SP100: variants seen among roughly 807,000 people sequenced by gnomAD.
SP100 encodes the protein SP100 nuclear body protein, also known as nuclear autoantigen Sp-100.
SP100 carries 84 observed loss-of-function variants against 130.0 expected under a neutral mutation model. That is an observed-to-expected ratio of 0.65 (90% confidence interval 0.54 to 0.77). SP100 has a LOEUF of 0.77. Ranked by LOEUF, SP100 falls within the 30% of genes least tolerant of loss-of-function variation. SP100 has a pLI of 0.00. For synonymous variants in SP100, 331 were observed against 351.7 expected (o/e 0.94, Z 0.66); for missense variants, 978 against 1,052.2 (o/e 0.93, Z 0.97).
intron 10 of SP100, 22 bp from the exon 11 acceptor site, chr2:230,464,045 A>G: frequency 6.5e-7 from 1 of 1,542,104 alleles, no homozygotes; most frequent in Non-Finnish European, 9.0e-7. Context: ...AGACCTCTAA[A>G]GAATCCCATT....
intron 17 of SP100, among the ~76,000 whole-genome samples, chr2:230,485,235 G>C (rs932612838): frequency 6.6e-6 from 1 of 152,066 alleles, no homozygotes; most frequent in Non-Finnish European, 1.5e-5. Context: ...TGACAGGCAT[G>C]AGCTACCACA....
intron 11 of SP100, among the ~76,000 whole-genome samples, chr2:230,465,309 G>T (rs999160384): frequency 3.3e-5 from 5 of 152,118 alleles, no homozygotes; most frequent in Admixed American, 3.3e-4. Flanking sequence ...TGAGGTGAGA[G>T]AGTCACTGGA....
At chr2:230,464,907 C>T (rs1466347274) in intron 11 of SP100, among the ~76,000 whole-genome samples, 2 of 151,970 alleles carry the variant, frequency 1.3e-5, no homozygotes, top group Non-Finnish European at 2.9e-5. Flanking sequence ...GCCTGGACAA[C>T]ATGGAGAAAC....
At chr2:230,506,782 TACACACACAC>T (rs57619257) in intron 22 of SP100, 3,656 of 181,484 alleles carry the variant, frequency 0.02, 132 homozygotes, top group African/African-American at 0.085. Flanking sequence ...AAATGTTAAA[TACACACACAC>T]ACACACACAC....
chr2:230,487,286 G>A (rs1381235476), intron 17 of SP100, among the ~76,000 whole-genome samples: 1 of 152,126 alleles, frequency 6.6e-6, no homozygotes, highest in Non-Finnish European at 1.5e-5. Context: ...TTTTCTTCCA[G>A]GGATTTTATG....
At chr2:230,500,396 G>T (rs888145084) in intron 19 of SP100, among the ~76,000 whole-genome samples, 2 of 152,150 alleles carry the variant, frequency 1.3e-5, no homozygotes, top group African/African-American at 4.8e-5. Flanking sequence ...CCAAGAGCTG[G>T]GAAGCAGCGC....
At position 230,436,927 on chromosome 2, in the gene SP100, A is replaced by ACATATAT. The variant is rs879558808; in HGVS notation, c.108-6010_108-6009insCATATAT. 5.0e-5 allele frequency among the ~76,000 whole-genome samples: 4 copies of ACATATAT among 79,958 alleles called. 1 individual carries two copies. 52.5% of individuals were successfully genotyped at this position (79,958 alleles called of 152,430 possible). A position where few individuals can be genotyped will look rare whatever the true frequency, so the allele number is the denominator to read the frequency against. ...ACACGCATATATGTGTATACACACA[A>ACATATAT]GTGTATACACACACGCATATATGTG... On this transcript the variant is annotated intron_variant, in intron 2 of 28. Transcript: ENST00000340126.
rs181906900 is a variant in SP100, at chr2:230,496,518, A to T, written c.1646-1943A>T. 7.9e-5 allele frequency among the ~76,000 whole-genome samples: 12 copies of T among 152,258 alleles called. No homozygotes were observed. The East Asian group carries it at 2.3e-3, about 29-fold the overall frequency. On this transcript the variant is annotated intron_variant, in intron 18 of 28. Coordinates refer to ENST00000340126, the MANE Select transcript of SP100 (RefSeq NM_001080391.2). ...CAGGAGCAGGAATGGTCCTCATACT[A>T]TATAGGTTGGTGCAAAAGTAATTGT... is the stretch of plus-strand genomic sequence containing the variant.
intron 18 of SP100, among the ~76,000 whole-genome samples, chr2:230,496,410 A>G (rs1357816932): frequency 6.6e-6 from 1 of 152,114 alleles, no homozygotes; most frequent in Non-Finnish European, 1.5e-5. Flanking sequence ...ATTTACTTTC[A>G]TCCACACTTC....
intron 12 of SP100, 110 bp downstream of exon 12, chr2:230,466,464 C>T: frequency 1.5e-6 from 1 of 657,852 alleles, no homozygotes. Context: ...CTATATCCTT[C>T]AAAGTAAAAT....
intron 9 of SP100, 65 bp downstream of exon 9, chr2:230,461,479 T>G: frequency 1.9e-6 from 3 of 1,542,398 alleles, no homozygotes; most frequent in Non-Finnish European, 2.7e-6. Context: ...GCTCAGGGAC[T>G]TCATCACGGA....
intron 13 of SP100, among the ~76,000 whole-genome samples, 183 bp downstream of exon 13, chr2:230,467,398 G>T (rs1352254022): frequency 1.3e-5 from 2 of 152,232 alleles, no homozygotes; most frequent in Non-Finnish European, 2.9e-5. Flanking sequence ...GATGGTTGTG[G>T]TTGAGTGGCA....
At chr2:230,525,789 C>T (rs545507278) in intron 24 of SP100, among the ~76,000 whole-genome samples, 23 of 152,368 alleles carry the variant, frequency 1.5e-4, no homozygotes, top group Admixed American at 1.4e-3. Context: ...GAGCCTTGCT[C>T]ACTGCTAGCA....
At chr2:230,470,227 CT>C in intron 15 of SP100, 129 bp downstream of exon 15, 1 of 1,340,316 alleles carries the variant, frequency 7.5e-7, no homozygotes, top group East Asian at 2.9e-5. Context: ...CTGGGAACTC[CT>C]TTTTGCATTT....
intron 20 of SP100, 116 bp from the exon 21 acceptor site, chr2:230,504,070 G>T: frequency 1.7e-6 from 1 of 594,048 alleles, no homozygotes. Flanking sequence ...CTGATTCATG[G>T]GGGAAATACC....
intron 19 of SP100, among the ~76,000 whole-genome samples, chr2:230,500,408 A>G (rs1196696897): frequency 6.6e-6 from 1 of 152,216 alleles, no homozygotes; most frequent in African/African-American, 2.4e-5. Flanking sequence ...AAGCAGCGCA[A>G]TGAGCTTCTG....
rs1373751456 is a variant in SP100 at position 230,506,298 on chromosome 2, T to TA, written c.1871-4dup. The TA allele has an allele frequency of 6.2e-7, 1 of 1,613,478 alleles. No homozygotes were observed. Among genetic ancestry groups the TA allele is most frequent in the African/African-American group, 1.3e-5 (1 of 74,902 alleles). ...TGGGGAGCTCACTTTGCCTTGGTCT[T>TA]ACAGGAACCTCAAAGAAGTGTATAC... On this transcript the variant is annotated splice_polypyrimidine_tract_variant and splice_region_variant and intron_variant, in intron 21 of 28. Coordinates refer to ENST00000340126, the MANE Select transcript of SP100 (RefSeq NM_001080391.2).
chr2:230,446,945 G>T, intron 5 of SP100, 43 bp downstream of exon 5: 1 of 1,199,400 alleles, frequency 8.3e-7, no homozygotes, highest in Non-Finnish European at 1.2e-6. Flanking sequence ...GAGAGGTTAG[G>T]GATCCAAGGT....
chr2:230,488,999 C>T (rs1450169544), intron 17 of SP100, among the ~76,000 whole-genome samples: 1 of 152,094 alleles, frequency 6.6e-6, no homozygotes, highest in African/African-American at 2.4e-5. Context: ...TATTGTGTTT[C>T]TCCTAGGTTT....
Sources: gnomAD v4.1 joint callset for allele counts (sites outside exome capture counted in the v4.1 genomes callset) on GRCh38, gnomAD v4.1.1 for gene constraint, MANE v1.5 for transcripts, NCBI Gene and HGNC (gene_info 2026-07-23, HGNC 2026-07-21) for gene names.